The following GRIA3 variants were observed in gnomAD, a reference collection of about 807,000 sequenced individuals.
The protein encoded by GRIA3 is glutamate ionotropic receptor AMPA type subunit 3.
Under a neutral mutation model 63.0 loss-of-function variants are expected in GRIA3, and 3 were observed. The ratio of observed to expected loss-of-function variants is 0.05; its 90% CI spans 0.02 to 0.12. GRIA3 has a LOEUF of 0.12. Ranked by LOEUF, GRIA3 falls within the 10% of genes least tolerant of loss-of-function variation. GRIA3 has a pLI of 1.00. For missense variants in GRIA3, 347 were observed against 700.9 expected, an observed-to-expected ratio of 0.50 and a Z score of 5.70; for synonymous variants, 274 against 257.9, an observed-to-expected ratio of 1.06 and a Z score of -0.60.
intron 3 of GRIA3, among the ~76,000 whole-genome samples, chrX:123,305,614 T>G (rs184831171): frequency 2.1e-4 from 23 of 111,947 alleles, no homozygotes; most frequent in African/African-American, 7.1e-4. Context: ...TGAGGGAAAT[T>G]CTACATAGGC....
chrX:123,374,987 A>C (rs1227060249), intron 5 of GRIA3, among the ~76,000 whole-genome samples: 1 of 111,441 alleles, frequency 9.0e-6, no homozygotes, highest in Non-Finnish European at 1.9e-5. Flanking sequence ...ATAACAATGA[A>C]AGTGGGCATC....
intron 2 of GRIA3, among the ~76,000 whole-genome samples, chrX:123,236,672 G>A (rs972519671): frequency 1.8e-5 from 2 of 109,760 alleles, no homozygotes; most frequent in Non-Finnish European, 3.8e-5. Flanking sequence ...ATCTCTTTAG[G>A]GTATGCAAAT....
At chrX:123,356,516 G>A (rs2045134930) in intron 5 of GRIA3, among the ~76,000 whole-genome samples, 1 of 111,568 alleles carries the variant, frequency 9.0e-6, no homozygotes, top group Non-Finnish European at 1.9e-5. Context: ...TCCTTACTAT[G>A]TATTAGAAAA....
At chrX:123,480,428 A>G (rs932015296) in intron 14 of GRIA3, among the ~76,000 whole-genome samples, 3 of 111,990 alleles carry the variant, frequency 2.7e-5, no homozygotes, top group Admixed American at 9.5e-5. Flanking sequence ...TTCCAAAGTT[A>G]TAAAATAATG....
intron 11 of GRIA3, 52 bp from the exon 12 acceptor site, chrX:123,427,889 A>C: frequency 1.2e-6 from 1 of 856,274 alleles, no homozygotes. Flanking sequence ...GGATTTCTTA[A>C]ACTTAGATCT....
intron 12 of GRIA3, among the ~76,000 whole-genome samples, chrX:123,444,790 T>C (rs2045694440): frequency 9.0e-6 from 1 of 111,452 alleles, no homozygotes. Context: ...TCTGTAATCC[T>C]TTCTCCCTCC....
intron 5 of GRIA3, among the ~76,000 whole-genome samples, chrX:123,389,065 T>G (rs184965988): frequency 1.8e-5 from 2 of 112,504 alleles, no homozygotes; most frequent in Admixed American, 1.9e-4. Flanking sequence ...TTAAACTCCT[T>G]TGTGGCCTGA....
chrX:123,375,488 A>G (rs769440268), intron 5 of GRIA3, among the ~76,000 whole-genome samples: 2 of 112,092 alleles, frequency 1.8e-5, no homozygotes, highest in Non-Finnish European at 3.8e-5. Context: ...TTTATGAGCA[A>G]TTAAAATGCT....
intron 10 of GRIA3, 145 bp downstream of exon 10, chrX:123,405,059 C>T (rs1026777577): frequency 2.3e-5 from 12 of 513,011 alleles, no homozygotes; most frequent in African/African-American, 7.0e-5. Flanking sequence ...TCTACAGTTG[C>T]GCTCTGTAAA....
At chrX:123,291,723 T>C (rs1262125772) in intron 3 of GRIA3, among the ~76,000 whole-genome samples, 1 of 110,970 alleles carries the variant, frequency 9.0e-6, no homozygotes, top group African/African-American at 3.3e-5. Context: ...TTGCCAGAAC[T>C]ATATTGCATG....
At chrX:123,243,014 A>C (rs1399574617) in intron 2 of GRIA3, among the ~76,000 whole-genome samples, 3 of 112,175 alleles carry the variant, frequency 2.7e-5, no homozygotes, top group Non-Finnish European at 5.6e-5. Context: ...TATTATACCA[A>C]TTGTTATAGA....
chrX:123,244,361 T>C (rs2044346372), intron 2 of GRIA3, among the ~76,000 whole-genome samples: 1 of 111,237 alleles, frequency 9.0e-6, no homozygotes, highest in African/African-American at 3.3e-5. Context: ...TGCTACCCTA[T>C]ACTCACCCCA....
chrX:123,472,628 A>C (rs2045869751), intron 13 of GRIA3, among the ~76,000 whole-genome samples: 1 of 111,852 alleles, frequency 8.9e-6, no homozygotes, highest in Admixed American at 9.5e-5. Flanking sequence ...TAGATGGAGA[A>C]GTTGAACAGA....
Position 123,300,080 on chromosome X carries a change from C to G in GRIA3, c.509-25946C>G, listed in dbSNP as rs147794361. 1.5e-3 allele frequency among the ~76,000 whole-genome samples: 162 copies of G among 111,308 alleles called. 1 individual carries two copies. Among genetic ancestry groups the G allele is most frequent in the African/African-American group, 4.7e-3 (144 of 30,679 alleles). On this transcript the variant is annotated intron_variant, in intron 3 of 15. Coordinates refer to ENST00000620443, the MANE Select transcript of GRIA3 (RefSeq NM_007325.5). ...TCTTGCATCCCAGGGATAAAGCCAA[C>G]TTGATCATGATGGATTAGTTTTTGG... is the stretch of plus-strand genomic sequence containing the variant.
intron 2 of GRIA3, among the ~76,000 whole-genome samples, chrX:123,214,215 AGTCTCC>A: frequency 8.9e-6 from 1 of 112,277 alleles, no homozygotes; most frequent in African/African-American, 3.2e-5. Context: ...AAGGAAGGAA[AGTCTCC>A]TTTAATTTAA....
chrX:123,229,361 T>C (rs887997918), intron 2 of GRIA3, among the ~76,000 whole-genome samples: 7 of 112,549 alleles, frequency 6.2e-5, no homozygotes, highest in African/African-American at 2.3e-4. Flanking sequence ...CTGTTCCTTC[T>C]ATTGCCAGTC....
intron 3 of GRIA3, among the ~76,000 whole-genome samples, chrX:123,280,182 C>T (rs1356805960): frequency 8.9e-6 from 1 of 111,983 alleles, no homozygotes; most frequent in African/African-American, 3.2e-5. Context: ...GCAAATCATT[C>T]ATCACTTTCT....
intron 4 of GRIA3, among the ~76,000 whole-genome samples, chrX:123,341,038 C>T (rs982600378): frequency 4.5e-5 from 5 of 112,139 alleles, no homozygotes; most frequent in African/African-American, 1.6e-4. Context: ...TTGCTTGGCT[C>T]ATCTAACAAG....
At chrX:123,400,850 T>G (rs2045439917) in intron 7 of GRIA3, among the ~76,000 whole-genome samples, 1 of 111,995 alleles carries the variant, frequency 8.9e-6, no homozygotes, top group South Asian at 3.7e-4. Context: ...GGGTAATCAT[T>G]CTCCTCACAA....
Sources: allele counts gnomAD v4.1 joint callset (sites outside exome capture counted in the v4.1 genomes callset), GRCh38; gene constraint gnomAD v4.1.1; transcripts MANE v1.5; gene names NCBI Gene and HGNC (gene_info 2026-07-23, HGNC 2026-07-21).